Variants in ADARB2 observed in about 807,000 individuals in gnomAD.
ADARB2 encodes the protein inactive double-stranded RNA-specific editase B2.
In ADARB2, 25 loss-of-function variants were observed where a neutral mutation model predicts 62.2. The observed-to-expected ratio is 0.40, with a 90% confidence interval of 0.29 to 0.56. The LOEUF (loss-of-function observed/expected upper bound fraction) is 0.56. ADARB2 is among the 20% of genes least tolerant of loss of function. The pLI, the probability that ADARB2 is intolerant of heterozygous loss-of-function variation, is 0.43. For missense variants in ADARB2, 1,071 were observed against 1,077.4 expected, an observed-to-expected ratio of 0.99 and a Z score of 0.08; for synonymous variants, 572 against 500.8, an observed-to-expected ratio of 1.14 and a Z score of -1.90.
chr10:1,638,963 C>T (rs150360881), intron 1 of ADARB2, among the ~76,000 whole-genome samples: 4 of 152,344 alleles, frequency 2.6e-5, no homozygotes, highest in East Asian at 1.9e-4. Context: ...TGCACTCACA[C>T]GGACTTCCAG....
intron 8 of ADARB2, among the ~76,000 whole-genome samples, chr10:1,195,044 T>G (rs1836891126): frequency 6.6e-6 from 1 of 152,240 alleles, no homozygotes; most frequent in African/African-American, 2.4e-5. Context: ...TGTAAGGGGC[T>G]GTTTGCCTTG....
intron 3 of ADARB2, among the ~76,000 whole-genome samples, chr10:1,282,810 A>G (rs1275023794): frequency 3.9e-5 from 6 of 152,222 alleles, no homozygotes; most frequent in Non-Finnish European, 8.8e-5. Flanking sequence ...GGATAAATGC[A>G]TTCAGATTTA....
intron 1 of ADARB2, among the ~76,000 whole-genome samples, chr10:1,418,327 G>A (rs1832822753): frequency 6.6e-6 from 1 of 152,184 alleles, no homozygotes; most frequent in Admixed American, 6.5e-5. Context: ...GCTTTAAGAT[G>A]CAGCGGGGAC....
intron 3 of ADARB2, among the ~76,000 whole-genome samples, chr10:1,359,838 C>T (rs1564268169): frequency 6.6e-6 from 1 of 152,246 alleles, no homozygotes; most frequent in Non-Finnish European, 1.5e-5. Context: ...AGACCGCTGA[C>T]CTCCCTTGAG....
At chr10:1,717,103 T>C (rs1835028329) in intron 1 of ADARB2, among the ~76,000 whole-genome samples, 1 of 148,492 alleles carries the variant, frequency 6.7e-6, no homozygotes, top group African/African-American at 2.5e-5. Context: ...ATCACGTGTT[T>C]CACAACCAAG....
At chr10:1,452,887 C>A (rs1377004091) in intron 1 of ADARB2, among the ~76,000 whole-genome samples, 1 of 152,188 alleles carries the variant, frequency 6.6e-6, no homozygotes, top group African/African-American at 2.4e-5. Context: ...ATACAGGCAA[C>A]AGCAGTGGCT....
At chr10:1,707,182 T>C (rs1429036924) in intron 1 of ADARB2, among the ~76,000 whole-genome samples, 1 of 152,270 alleles carries the variant, frequency 6.6e-6, no homozygotes, top group East Asian at 1.9e-4. Context: ...CCCGGATTCC[T>C]GCACCGGCGC....
intron 3 of ADARB2, among the ~76,000 whole-genome samples, chr10:1,302,367 C>T (rs576650275): frequency 5.9e-5 from 9 of 152,206 alleles, no homozygotes; most frequent in African/African-American, 7.2e-5. Context: ...ACACCTGGCT[C>T]GGAGGGTCCT....
intron 1 of ADARB2, among the ~76,000 whole-genome samples, chr10:1,514,956 G>T (rs956076322): frequency 2.0e-5 from 3 of 152,122 alleles, no homozygotes; most frequent in African/African-American, 7.2e-5. Context: ...AGTAGAGAAA[G>T]GACACAGAAA....
chr10:1,358,517 T>C (rs1832218075), intron 3 of ADARB2, among the ~76,000 whole-genome samples: 1 of 152,214 alleles, frequency 6.6e-6, no homozygotes, highest in South Asian at 2.1e-4. Context: ...CCTTTTCCGC[T>C]GCCCAGGGAT....
intron 2 of ADARB2, among the ~76,000 whole-genome samples, chr10:1,370,509 A>G (rs905650537): frequency 6.6e-6 from 1 of 152,166 alleles, no homozygotes; most frequent in Non-Finnish European, 1.5e-5. Context: ...AAGTGAAACT[A>G]TCTCTGTTCC....
rs1459674518 is a variant in ADARB2 at position 1,179,586 on chromosome 10, A to C, written c.*3607T>G. 6.6e-6 allele frequency: 1 copy of C among 152,222 alleles called. No homozygotes were observed. The allele number at this position is 152,222 out of a possible 1,614,324, so 9.4% of individuals were successfully genotyped here. A position where few individuals can be genotyped will look rare whatever the true frequency, so the allele number is the denominator to read the frequency against. On this transcript the variant is annotated 3_prime_UTR_variant, in exon 10 of 10. Coordinates refer to ENST00000381312, the MANE Select transcript of ADARB2 (RefSeq NM_018702.4). ...GCAAAAAGGCCAGAAACCACCAGAC[A>C]CTAACTTTTTGACTAAGAACCAGGC...
chr10:1,342,439 A>G, intron 3 of ADARB2, among the ~76,000 whole-genome samples: 1 of 152,190 alleles, frequency 6.6e-6, no homozygotes, highest in South Asian at 2.1e-4. Flanking sequence ...ACATTCAGGG[A>G]ACAGTGACTC....
chr10:1,308,805 T>C (rs1231482036), intron 3 of ADARB2, among the ~76,000 whole-genome samples: 1 of 152,256 alleles, frequency 6.6e-6, no homozygotes, highest in Non-Finnish European at 1.5e-5. Flanking sequence ...ACTACCTCTA[T>C]TTCTATTTTT....
chr10:1,280,619 C>T (rs1831361947), intron 3 of ADARB2, among the ~76,000 whole-genome samples: 1 of 152,088 alleles, frequency 6.6e-6, no homozygotes, highest in South Asian at 2.1e-4. Context: ...CCGTGAAATT[C>T]CTGAGTGATG....
chr10:1,585,388 T>TA (rs903508492), intron 1 of ADARB2, among the ~76,000 whole-genome samples: 56 of 151,860 alleles, frequency 3.7e-4, no homozygotes, highest in Middle Eastern at 3.4e-3. Context: ...GCTACAAAGA[T>TA]AAAAAAAAGC....
chr10:1,443,966 T>C (rs1830931526), intron 1 of ADARB2, among the ~76,000 whole-genome samples: 1 of 152,026 alleles, frequency 6.6e-6, no homozygotes, highest in Admixed American at 6.6e-5. Flanking sequence ...TCTGTCCATC[T>C]ATCCATCCAT....
chr10:1,375,380 C>A (rs909437459), intron 2 of ADARB2, among the ~76,000 whole-genome samples: 6 of 152,194 alleles, frequency 3.9e-5, no homozygotes, highest in African/African-American at 1.4e-4. Flanking sequence ...CCCAGACCAG[C>A]CTGTGGGTGA....
intron 1 of ADARB2, chr10:1,678,057 T>C (rs1272204395): frequency 8.8e-6 from 5 of 571,026 alleles, no homozygotes; most frequent in East Asian, 1.4e-4. Context: ...AACTGGATAA[T>C]TGGAACTACA....
Sources: gnomAD v4.1 joint callset for allele counts (sites outside exome capture counted in the v4.1 genomes callset) on GRCh38, gnomAD v4.1.1 for gene constraint, MANE v1.5 for transcripts, NCBI Gene and HGNC (gene_info 2026-07-23, HGNC 2026-07-21) for gene names.